The following IQCK variants were observed in gnomAD, a reference collection of about 807,000 sequenced individuals.
The protein encoded by IQCK is IQ domain-containing protein K.
A neutral mutation model predicts 28.1 loss-of-function variants in IQCK; 29 were observed. The observed-to-expected ratio is 1.03, with a 90% CI of 0.77 to 1.41. The LOEUF is 1.41. Ranked by LOEUF, IQCK falls within the 40% of genes most tolerant of loss-of-function variation. IQCK has a pLI of 0.00. For missense variants in IQCK, 359 were observed against 314.7 expected (o/e 1.14, Z -1.07); for synonymous variants, 113 against 115.1 (o/e 0.98, Z 0.12).
chr16:19,780,004 C>T (rs2055455351), intron 6 of IQCK, among the ~76,000 whole-genome samples: 1 of 145,514 alleles, frequency 6.9e-6, no homozygotes, highest in African/African-American at 2.6e-5. Flanking sequence ...CAGGCGTGAG[C>T]CACCGTGCCC....
At chr16:19,781,250 C>G (rs2055479441) in intron 6 of IQCK, among the ~76,000 whole-genome samples, 3 of 152,128 alleles carry the variant, frequency 2.0e-5, no homozygotes, top group African/African-American at 7.2e-5. Flanking sequence ...GTATCACAGC[C>G]TTGTTTTTTT....
rs903745485 is a variant in IQCK, at chr16:19,730,562, A to G, written c.246+68A>G. On this transcript the variant is annotated intron_variant, in intron 2 of 7. Transcript: ENST00000564186. ...ATGAGAATAGCATTGATGGCCTGTG[A>G]ATGTCACACAGTGTCACTGAGTTCA... is the stretch of plus-strand genomic sequence containing the variant. 8 of 1,252,722 alleles carry G rather than the reference A, an allele frequency of 6.4e-6. No homozygotes were observed. In the African/African-American group the frequency reaches 7.5e-5, roughly 12 times the overall value. The allele number at this position is 1,252,722 out of a possible 1,614,324, so 77.6% of individuals were successfully genotyped here.
chr16:19,779,885 T>C (rs963908140), intron 6 of IQCK, among the ~76,000 whole-genome samples: 6 of 149,058 alleles, frequency 4.0e-5, no homozygotes, highest in African/African-American at 9.9e-5. Flanking sequence ...GCCTGGCTAA[T>C]TTTTTGTATT....
chr16:19,819,038 G>C (rs1490343051), intron 7 of IQCK, among the ~76,000 whole-genome samples: 1 of 152,158 alleles, frequency 6.6e-6, no homozygotes, highest in Non-Finnish European at 1.5e-5. Flanking sequence ...AAGTTTCCTA[G>C]TTATCAAAAC....
chr16:19,820,833 A>G (rs2056062461), intron 7 of IQCK, among the ~76,000 whole-genome samples: 1 of 152,192 alleles, frequency 6.6e-6, no homozygotes, highest in South Asian at 2.1e-4. Flanking sequence ...CAACAAAATG[A>G]CAAGCAACCC....
At chr16:19,827,452 A>G (rs2056163994), downstream of IQCK, among the ~76,000 whole-genome samples, 1 of 152,146 alleles carries the variant, frequency 6.6e-6, no homozygotes, top group African/African-American at 2.4e-5. Flanking sequence ...AGTATGATGG[A>G]TAGTTATAGT....
At chr16:19,853,626 A>C (rs190688877) in intron 9 of IQCK, among the ~76,000 whole-genome samples, 3 of 151,206 alleles carry the variant, frequency 2.0e-5, no homozygotes, top group Admixed American at 6.6e-5. Context: ...TCTGCCAGCT[A>C]TCTCTCTCTC....
At chr16:19,727,518 C>T (rs932700632) in intron 1 of IQCK, among the ~76,000 whole-genome samples, 11 of 150,026 alleles carry the variant, frequency 7.3e-5, no homozygotes, top group South Asian at 2.1e-4. Flanking sequence ...ACCCAGGAGG[C>T]GGAGGTTGCA....
At chr16:19,783,293 C>T (rs2055516705) in intron 6 of IQCK, among the ~76,000 whole-genome samples, 1 of 152,140 alleles carries the variant, frequency 6.6e-6, no homozygotes, top group African/African-American at 2.4e-5. Flanking sequence ...GCCACCGCGC[C>T]TGGCCAGCAT....
downstream of IQCK, among the ~76,000 whole-genome samples, chr16:19,831,903 A>G (rs1405183883): frequency 6.6e-6 from 1 of 152,054 alleles, no homozygotes; most frequent in Admixed American, 6.6e-5. Flanking sequence ...GACTGTCCCA[A>G]ACAGTATTTT....
intron 3 of IQCK, among the ~76,000 whole-genome samples, chr16:19,734,211 T>A (rs948183366): frequency 6.6e-6 from 1 of 151,618 alleles, no homozygotes. Context: ...AAAAAAAAAA[T>A]TATCACTGGA....
chr16:19,750,975 G>A (rs995417673), intron 4 of IQCK, among the ~76,000 whole-genome samples: 6 of 152,104 alleles, frequency 3.9e-5, no homozygotes, highest in Non-Finnish European at 5.9e-5. Flanking sequence ...GCTGTGGCAG[G>A]TACGGTGATG....
intron 7 of IQCK, among the ~76,000 whole-genome samples, chr16:19,816,897 A>C (rs1240268857): frequency 6.6e-6 from 1 of 152,216 alleles, no homozygotes; most frequent in African/African-American, 2.4e-5. Flanking sequence ...CCAATGAAAA[A>C]ATATTTTTAT....
intron 7 of IQCK, among the ~76,000 whole-genome samples, chr16:19,807,831 A>G (rs542090926): frequency 2.6e-5 from 4 of 152,358 alleles, no homozygotes; most frequent in South Asian, 2.1e-4. Flanking sequence ...CAGGTTGCAC[A>G]GTGCTTGGCA....
At chr16:19,803,831 G>C (rs187956934) in intron 7 of IQCK, among the ~76,000 whole-genome samples, 4 of 151,908 alleles carry the variant, frequency 2.6e-5, no homozygotes, top group African/African-American at 9.7e-5. Flanking sequence ...TTTTTTTGTA[G>C]AGATGGGGGT....
rs1473196764 is a variant in IQCK at position 19,793,648 on chromosome 16, T to TG, written c.690+4726_690+4727insG. Among the ~76,000 whole-genome samples the TG allele has an allele frequency of 6.2e-5, 7 of 112,338 alleles. 1 individual carries two copies. In the East Asian group the frequency reaches 1.1e-3, roughly 18 times the overall value. 73.7% of individuals were successfully genotyped at this position (112,338 alleles called of 152,430 possible). A position where few individuals can be genotyped will look rare whatever the true frequency, so the allele number is the denominator to read the frequency against. On this transcript the variant is annotated intron_variant, in intron 7 of 7. Transcript: ENST00000564186. Reference sequence around the variant, plus strand: ...CCTATCGAAATCTCAGTTGGGTTTTTTTTTTTTTTTTTTTTTTTTTTTTTT... The same window carrying TG: ...CCTATCGAAATCTCAGTTGGGTTTTTGTTTTTTTTTTTTTTTTTTTTTTTTT...
chr16:19,746,253 A>C (rs1425064070), intron 4 of IQCK, among the ~76,000 whole-genome samples: 2 of 150,642 alleles, frequency 1.3e-5, no homozygotes, highest in Non-Finnish European at 2.9e-5. Context: ...TGGGTGCATG[A>C]GATGTTTTGC....
At chr16:19,718,739 A>G (rs1035355936) in intron 1 of IQCK, among the ~76,000 whole-genome samples, 9 of 152,218 alleles carry the variant, frequency 5.9e-5, no homozygotes, top group Non-Finnish European at 1.3e-4. Context: ...GGAAAGCTGA[A>G]TAAAGAGAAC....
At chr16:19,732,508 A>G (rs1977873538) in intron 2 of IQCK, among the ~76,000 whole-genome samples, 1 of 152,206 alleles carries the variant, frequency 6.6e-6, no homozygotes, top group African/African-American at 2.4e-5. Context: ...TTTTTGAGAC[A>G]GGGTCTTACT....
Sources: gnomAD v4.1 joint callset for allele counts (sites outside exome capture counted in the v4.1 genomes callset) on GRCh38, gnomAD v4.1.1 for gene constraint, MANE v1.5 for transcripts, NCBI Gene and HGNC (gene_info 2026-07-23, HGNC 2026-07-21) for gene names.